HYOU1: variants seen among roughly 807,000 people sequenced by gnomAD.
HYOU1 encodes hypoxia up-regulated protein 1.
In HYOU1, 40 loss-of-function variants were observed where a neutral mutation model predicts 120.5. The observed-to-expected ratio is 0.33, with a 90% confidence interval of 0.26 to 0.43. HYOU1 has a LOEUF of 0.43. HYOU1 is among the 20% of genes least tolerant of loss of function. The pLI is 1.00. For missense variants in HYOU1, 1,085 were observed against 1,278.3 expected (o/e 0.85, Z 2.31); for synonymous variants, 501 against 479.4 (o/e 1.05, Z -0.59).
Position 119,052,034 on chromosome 11 carries a change from G to A in HYOU1, c.1205+56C>T. On this transcript the variant is annotated intron_variant, in intron 11 of 25. Transcript: ENST00000617285. The surrounding 1 kb of genome is among the most constrained non-coding windows in gnomAD (Gnocchi z 5.0). ...CTCCCCTCAGCCCTCCAGCTGCTCA[G>A]CCCAAAGCCCTGCCCCAGGCAGAAC... 1 of 1,613,758 alleles carries A rather than the reference G, an allele frequency of 6.2e-7. No homozygotes were observed. Among genetic ancestry groups the A allele is most frequent in the East Asian group, 2.2e-5 (1 of 44,868 alleles).
Position 119,045,602 on chromosome 11 carries a change from G to C in HYOU1, c.2991C>G (p.Asp997Glu), listed in dbSNP as rs573944250. ...STGQKRPLKN[D>E]EL ...AAAACAGAGGTGGGGGTTATAGTTCGTCGTTCTTCAAAGGCCGCTTCTGTC... is the reference window on the plus strand; with the variant it reads ...AAAACAGAGGTGGGGGTTATAGTTCCTCGTTCTTCAAAGGCCGCTTCTGTC... Residue 997 changes from aspartate to glutamate, a missense_variant, in exon 26 of 26, where the codon GAC (aspartate) becomes GAG (glutamate). By Grantham distance (45) the Asp-to-Glu change is conservative (BLOSUM62 2). This residue lies in a region of HYOU1 where 516 missense variants were observed against 517.1 expected (regional missense o/e 1.00). Coordinates refer to ENST00000617285, the MANE Select transcript of HYOU1 (RefSeq NM_006389.5). The C allele has an allele frequency of 1.1e-5, 18 of 1,613,950 alleles. No individual in the cohort carries two copies. The highest frequency in any genetic ancestry group is 1.0e-4 in the Admixed American group (6 of 60,002).
At position 119,051,902 on chromosome 11, in the gene HYOU1, C is replaced by T. The variant is rs1944464234; in HGVS notation, c.1255G>A (p.Ala419Thr). ...INADEAAAMG[A>T]VYQAAALSKA... is the part of the protein sequence containing the mutation. ...CTGAGCGCAGCTGCCTGGTACACTG[C>T]CCCCATGGCGGCTGCTTCATCTGCA... Residue 419 changes from alanine to threonine, a missense_variant, in exon 12 of 26, where the codon GCA (alanine) becomes ACA (threonine). By Grantham distance (58) the Ala-to-Thr change is moderately conservative (BLOSUM62 0). This residue lies in a region of HYOU1 where 515 missense variants were observed against 677.8 expected (regional missense o/e 0.76). Transcript: ENST00000617285. This position sits in a 1 kb window ranked among gnomAD's most constrained non-coding sequence, Gnocchi z 4.2. 3 of 1,614,040 alleles carry T rather than the reference C, an allele frequency of 1.9e-6. No homozygotes were observed. Among genetic ancestry groups the T allele is most frequent in the Non-Finnish European group, 1.7e-6 (2 of 1,180,028 alleles).
At position 119,046,700 on chromosome 11, in the gene HYOU1, G is replaced by C. The variant is rs1178949563; in HGVS notation, c.2698C>G (p.Arg900Gly). The change falls in exon 23 of 26, where the codon CGA becomes GGA. Residue 900 changes from arginine (R) to glycine (G), a missense_variant. By Grantham distance (125) the Arg-to-Gly change is moderately radical (BLOSUM62 -2). This residue lies in a region of HYOU1 where 516 missense variants were observed against 517.1 expected (regional missense o/e 1.00). Coordinates refer to ENST00000617285, the MANE Select transcript of HYOU1 (RefSeq NM_006389.5). ...DIEAKMMALD[R>G]EVQYLLNKAK... ...TTATTGAGCAGATACTGCACCTCTC[G>C]GTCCAGGGCCATCATCTTAGCTTCA... 3.7e-6 allele frequency: 6 copies of C among 1,613,282 alleles called. No homozygotes were observed. In the South Asian group the frequency reaches 6.6e-5, roughly 18 times the overall value.
At chr11:119,046,114 C>T (rs1444236065) in intron 24 of HYOU1, among the ~76,000 whole-genome samples, 2 of 152,058 alleles carry the variant, frequency 1.3e-5, no homozygotes. Flanking sequence ...GTGTGCGCCA[C>T]CACGCCTGAC....
chr11:119,045,756 A>G, intron 25 of HYOU1, 25 bp downstream of exon 25: 1 of 1,613,412 alleles, frequency 6.2e-7, no homozygotes, highest in Non-Finnish European at 8.5e-7. Flanking sequence ...CAGGCTTCCC[A>G]CCGTAGCCCC....
Position 119,044,754 on chromosome 11 carries a change from T to G in HYOU1, c.*839A>C. The G allele has an allele frequency of 1.0e-5, 2 of 196,296 alleles. No homozygotes were observed. The highest frequency in any genetic ancestry group is 1.2e-4 in the East Asian group (1 of 8,626). The allele number at this position is 196,296 out of a possible 1,614,324, so 12.2% of individuals were successfully genotyped here. ...GCAGAAGAGAGGAGGAGGCAGGGAG[T>G]TACAGGAACCTGGGGTACCAGGCTG... On this transcript the variant is annotated 3_prime_UTR_variant, in exon 26 of 26. Coordinates refer to ENST00000617285, the MANE Select transcript of HYOU1 (RefSeq NM_006389.5).
Position 119,045,353 on chromosome 11 carries a change from G to C in HYOU1, c.*240C>G, listed in dbSNP as rs1456739544. 1.5e-6 allele frequency: 1 copy of C among 667,882 alleles called. No individual in the cohort carries two copies. The highest frequency in any genetic ancestry group is 1.8e-5 in the African/African-American group (1 of 56,256). 41.4% of individuals were successfully genotyped at this position (667,882 alleles called of 1,614,324 possible). A position where few individuals can be genotyped will look rare whatever the true frequency, so the allele number is the denominator to read the frequency against. ...TTTTCCCAAATTTAGGGCCTATATG[G>C]GTAGGGAACAGGGAGTGGGGCTGGG... On this transcript the variant is annotated 3_prime_UTR_variant, in exon 26 of 26. Transcript: ENST00000617285.
intron 21 of HYOU1, 27 bp from the exon 22 acceptor site, chr11:119,047,845 C>T (rs2133558789): frequency 2.2e-5 from 35 of 1,613,038 alleles, no homozygotes; most frequent in Non-Finnish European, 2.8e-5. Flanking sequence ...AGACCATTAG[C>T]CCCAGAGGGA....
Position 119,051,426 on chromosome 11 carries a change from C to A in HYOU1, c.1526+12G>T, listed in dbSNP as rs2133584904. The A allele has an allele frequency of 6.2e-7, 1 of 1,613,696 alleles. No individual in the cohort carries two copies. Among genetic ancestry groups the A allele is most frequent in the Admixed American group, 1.7e-5 (1 of 60,022 alleles). On this transcript the variant is annotated intron_variant, in intron 13 of 25. Transcript: ENST00000617285. This position sits in a 1 kb window ranked among gnomAD's most constrained non-coding sequence, Gnocchi z 4.2. The stretch of plus-strand genomic sequence containing the variant: ...CTCCCTGGAGCTCCCATCCTACACC[C>A]CTGCCCCTCACCGAAGATCTTCAGG...
In HYOU1 at chr11:119,044,973, T is replaced by C; in HGVS notation, c.*620A>G. The C allele has an allele frequency of 2.6e-6, 1 of 379,992 alleles. No individual in the cohort carries two copies. The highest frequency in any genetic ancestry group is 5.5e-6 in the Non-Finnish European group (1 of 182,748). 23.5% of individuals were successfully genotyped at this position (379,992 alleles called of 1,614,324 possible). A position where few individuals can be genotyped will look rare whatever the true frequency, so the allele number is the denominator to read the frequency against. On this transcript the variant is annotated 3_prime_UTR_variant, in exon 26 of 26. Coordinates refer to ENST00000617285, the MANE Select transcript of HYOU1 (RefSeq NM_006389.5). ...CTTCCGCCAATCCAGAGGTACAGGC[T>C]TTTAGGCAAGGGGCAGAGAACTGCC...
rs143266723 is a variant in HYOU1, at chr11:119,051,625, C to A, written c.1339G>T (p.Val447Leu). 3.1e-6 allele frequency: 5 copies of A among 1,613,906 alleles called. No individual in the cohort carries two copies. In the African/African-American group the frequency reaches 6.7e-5, roughly 22 times the overall value. Residue 447 changes from valine to leucine, a missense_variant and splice_region_variant, in exon 13 of 26, where the codon GTG (valine) becomes TTG (leucine). Around this residue, in one of 4 missense-constraint regions of HYOU1, gnomAD observed 515 missense variants for 677.8 expected, o/e 0.76. Coordinates refer to ENST00000617285, the MANE Select transcript of HYOU1 (RefSeq NM_006389.5). This position sits in a 1 kb window ranked among gnomAD's most constrained non-coding sequence, Gnocchi z 4.2. ...TCCTCCACCTCCCTCGTGAACTCCA[C>A]CTACACAGCAGGCAGACAGAGGCAC... ...VRDAVVYPIL[V>L]EFTREVEEEP...
At chr11:119,054,078 G>T in intron 8 of HYOU1, 43 bp downstream of exon 8, 1 of 1,251,232 alleles carries the variant, frequency 8.0e-7, no homozygotes, top group South Asian at 1.2e-5. Context: ...CCCCTGACTT[G>T]AGGGTCTTCA....
chr11:119,055,113 A>G lies in HYOU1; in HGVS notation c.420-53T>C. 6.2e-7 allele frequency: 1 copy of G among 1,613,394 alleles called. No homozygotes were observed. The highest frequency in any genetic ancestry group is 8.5e-7 in the Non-Finnish European group (1 of 1,179,418). On this transcript the variant is annotated intron_variant, in intron 5 of 25. Coordinates refer to ENST00000617285, the MANE Select transcript of HYOU1 (RefSeq NM_006389.5). This position sits in a 1 kb window ranked among gnomAD's most constrained non-coding sequence, Gnocchi z 4.0. ...AAGGAAAGCCAGGCATTAAGGCAGG[A>G]CAATCAGGAACACACACCAATGAGG...
In HYOU1 at chr11:119,045,300, G is replaced by C. The variant is rs909676639; in HGVS notation, c.*293C>G. ...GGCAGCCATTCTCTTCCTACCCACA[G>C]GCAAAGGATTCAGAAATTAATAGTG... On this transcript the variant is annotated 3_prime_UTR_variant, in exon 26 of 26. Transcript: ENST00000617285. 5.5e-5 allele frequency: 31 copies of C among 563,582 alleles called. No individual in the cohort carries two copies. The highest frequency in any genetic ancestry group is 9.3e-5 in the African/African-American group (5 of 53,842). 34.9% of individuals were successfully genotyped at this position (563,582 alleles called of 1,614,324 possible).
intron 14 of HYOU1, 139 bp downstream of exon 14, chr11:119,050,896 C>T (rs2133581671): frequency 1.1e-4 from 100 of 914,534 alleles, no homozygotes; most frequent in Non-Finnish European, 8.4e-5. Context: ...CATCAGTTAG[C>T]TCTGTTCAGA....
rs2133591284 is a variant in HYOU1 at position 119,052,217 on chromosome 11, C to A, written c.1123-45G>T. Reference sequence around the variant, plus strand: ...CAGGTGCAACAGCATGCAGTTAGCACTGACTCGTCCCTTGACGTCCCATGG... The same window carrying A: ...CAGGTGCAACAGCATGCAGTTAGCAATGACTCGTCCCTTGACGTCCCATGG... On this transcript the variant is annotated intron_variant, in intron 10 of 25. Transcript: ENST00000617285. This position sits in a 1 kb window ranked among gnomAD's most constrained non-coding sequence, Gnocchi z 5.0. 1 of 1,613,936 alleles carries A rather than the reference C, an allele frequency of 6.2e-7. No homozygotes were observed. The highest frequency in any genetic ancestry group is 2.2e-5 in the East Asian group (1 of 44,882).
chr11:119,055,075 GGTA>G lies in HYOU1; in HGVS notation c.420-18_420-16del. On this transcript the variant is annotated splice_polypyrimidine_tract_variant and intron_variant, in intron 5 of 25. Transcript: ENST00000617285. This position sits in a 1 kb window ranked among gnomAD's most constrained non-coding sequence, Gnocchi z 4.0. The stretch of plus-strand genomic sequence containing the variant: ...ACTGCAGCTGCCTGAGGGGAAGGAA[GGTA>G]GTTGGAGCCAAGGAAAGCCAGGCAT... 6.2e-7 allele frequency: 1 copy of G among 1,614,052 alleles called. No homozygotes were observed. Among genetic ancestry groups the G allele is most frequent in the Non-Finnish European group, 8.5e-7 (1 of 1,179,932 alleles).
At chr11:119,046,522 C>T (rs1329130147) in intron 23 of HYOU1, 40 bp downstream of exon 23, 10 of 1,613,940 alleles carry the variant, frequency 6.2e-6, no homozygotes, top group Non-Finnish European at 7.6e-6. Flanking sequence ...AGGCTGTCTC[C>T]CTGTCCAGCA....
rs2133579234 is a variant in HYOU1 at position 119,050,538 on chromosome 11, A to G, written c.1665+497T>C. On this transcript the variant is annotated intron_variant, in intron 14 of 25. Coordinates refer to ENST00000617285, the MANE Select transcript of HYOU1 (RefSeq NM_006389.5). ...TAGAGACCAGTCTGGCAACATAGTG[A>G]GACCCTATCTCTATAAATAAAGTAC... Among the ~76,000 whole-genome samples, 13 of 151,706 alleles carry G rather than the reference A, an allele frequency of 8.6e-5. 1 individual carries two copies. Among genetic ancestry groups the G allele is most frequent in the Non-Finnish European group, 1.6e-4 (11 of 67,954 alleles).
Sources: allele counts gnomAD v4.1 joint callset (sites outside exome capture counted in the v4.1 genomes callset), GRCh38; gene constraint gnomAD v4.1.1; regional missense constraint gnomAD v4.1.1; non-coding constraint Gnocchi (gnomAD v3.1); transcripts MANE v1.5; gene names NCBI Gene and HGNC (gene_info 2026-07-23, HGNC 2026-07-21).